Variants in FN1 observed in about 807,000 individuals in gnomAD.
FN1 encodes fibronectin.
FN1 carries 106 observed loss-of-function variants against 297.3 expected under a neutral mutation model. That is an observed-to-expected ratio of 0.36 (90% confidence interval 0.30 to 0.42). The LOEUF (loss-of-function observed/expected upper bound fraction) is 0.42. Ranked by LOEUF, FN1 falls within the 10% of genes least tolerant of loss-of-function variation. FN1 has a pLI of 1.00. For synonymous variants in FN1, 1,149 were observed against 1,152.6 expected (o/e 1.00, Z 0.06); for missense variants, 2,690 against 3,124.9 (o/e 0.86, Z 3.32).
At position 215,394,710 on chromosome 2, in the gene FN1, C is replaced by A. The variant is rs770480328; in HGVS notation, c.3614G>T (p.Gly1205Val). 2.5e-6 allele frequency: 4 copies of A among 1,613,514 alleles called. No individual in the cohort carries two copies. In the African/African-American group the frequency reaches 5.3e-5, roughly 22 times the overall value. Residue 1205 changes from glycine to valine, a missense_variant, in exon 24 of 46, where the codon GGT becomes GTT. By Grantham distance (109) the Gly-to-Val change is moderately radical (BLOSUM62 -3). This residue lies in a region of FN1 where 1,743 missense variants were observed against 1,945.2 expected (regional missense o/e 0.90). Transcript: ENST00000354785. Reference sequence around the variant, plus strand: ...TGTAGGGGTTGTGGTAATTCTATAACCAGTAATGTCTGGAGAAAAAAGAAA... The same window carrying A: ...TGTAGGGGTTGTGGTAATTCTATAAACAGTAATGTCTGGAGAAAAAAGAAA... ...WERSTTPDIT[G>V]YRITTTPTNG...
chr2:215,374,936 A>G (rs2056993830), intron 38 of FN1, among the ~76,000 whole-genome samples: 1 of 152,218 alleles, frequency 6.6e-6, no homozygotes, highest in Non-Finnish European at 1.5e-5. Context: ...ATCTTTCTCC[A>G]GGACTGAATT....
Position 215,361,639 on chromosome 2 carries a change from A to T in FN1, c.7363-13T>A. The T allele has an allele frequency of 6.2e-7, 1 of 1,600,412 alleles. No individual in the cohort carries two copies. Among genetic ancestry groups the T allele is most frequent in the Non-Finnish European group, 8.6e-7 (1 of 1,167,464 alleles). ...GGCAATTAACATTCTGTTAAAAAGG[A>T]AGAAGGAAAAAAAAATTAGTGGCAA... On this transcript the variant is annotated splice_polypyrimidine_tract_variant and intron_variant, in intron 45 of 45. Transcript: ENST00000354785.
chr2:215,423,170 T>A (rs1368717148), intron 9 of FN1, among the ~76,000 whole-genome samples, 180 bp downstream of exon 9: 1 of 139,024 alleles, frequency 7.2e-6, no homozygotes, highest in Non-Finnish European at 1.5e-5. Flanking sequence ...CTTATGTATA[T>A]GATGTAACAT....
chr2:215,435,994 T>G lies in FN1; in HGVS notation c.-192A>C. ...GGGATGCAGAGGACCAGAGAAGTTG[T>G]GGCTGCAGGTCCCCTCTTCCCGCTC... is the stretch of plus-strand genomic sequence containing the variant. On this transcript the variant is annotated 5_prime_UTR_variant, in exon 1 of 46. Transcript: ENST00000354785. 1 of 1,259,210 alleles carries G rather than the reference T, an allele frequency of 7.9e-7. No homozygotes were observed. Among genetic ancestry groups the G allele is most frequent in the Non-Finnish European group, 1.1e-6 (1 of 942,704 alleles). The allele number at this position is 1,259,210 out of a possible 1,614,324, so 78.0% of individuals were successfully genotyped here.
At chr2:215,368,665 T>C (rs2055182457) in intron 41 of FN1, among the ~76,000 whole-genome samples, 2 of 152,256 alleles carry the variant, frequency 1.3e-5, no homozygotes, top group South Asian at 2.1e-4. Flanking sequence ...TTTTGCATAA[T>C]AGTGCAGAAA....
Position 215,388,238 on chromosome 2 carries a change from G to A in FN1, c.4316C>T (p.Thr1439Ile). Residue 1439 changes from threonine to isoleucine, a missense_variant, in exon 27 of 46, where the codon ACA becomes ATA. Physicochemically the swap from Thr to Ile is moderately conservative, Grantham distance 89 (BLOSUM62 -1). Around this residue, in one of 3 missense-constraint regions of FN1, gnomAD observed 1,743 missense variants for 1,945.2 expected, o/e 0.90. Coordinates refer to ENST00000354785, the MANE Select transcript of FN1 (RefSeq NM_212482.4). ...TGTTTTCTGTCTTCCTCTAAGAGGT[G>A]TGCTCTCATGTTGTTCGTAGACACT... ...VSSVYEQHES[T>I]PLRGRQKTGL... is the part of the protein sequence containing the mutation. The A allele has an allele frequency of 1.2e-6, 2 of 1,613,876 alleles. No individual in the cohort carries two copies. The highest frequency in any genetic ancestry group is 8.5e-7 in the Non-Finnish European group (1 of 1,179,778).
Position 215,419,152 on chromosome 2 carries a change from C to T in FN1, c.1819+90G>A, listed in dbSNP as rs914027762. The T allele has an allele frequency of 3.5e-5, 40 of 1,142,098 alleles. No homozygotes were observed. The Admixed American group carries it at 6.7e-4, about 19-fold the overall frequency. 70.7% of individuals were successfully genotyped at this position (1,142,098 alleles called of 1,614,324 possible). ...AAAAGGGTGGGAAAGAGGGGAGACC[C>T]CCAACTTAGGCATGAGAGCATTAAT... On this transcript the variant is annotated intron_variant, in intron 12 of 45. Transcript: ENST00000354785.
intron 13 of FN1, among the ~76,000 whole-genome samples, chr2:215,414,316 T>G (rs1439485132): frequency 1.3e-5 from 2 of 152,202 alleles, no homozygotes; most frequent in Non-Finnish European, 2.9e-5. Flanking sequence ...ATCCTTTATC[T>G]AAACTTCCCT....
At chr2:215,389,466 T>G (rs2059443023) in intron 26 of FN1, among the ~76,000 whole-genome samples, 1 of 152,080 alleles carries the variant, frequency 6.6e-6, no homozygotes, top group African/African-American at 2.4e-5. Context: ...TTGATAAGTG[T>G]GTGATTTGGT....
At chr2:215,422,293 A>G (rs773462994) in intron 9 of FN1, 50 bp from the exon 10 acceptor site, 2 of 1,553,902 alleles carry the variant, frequency 1.3e-6, no homozygotes, top group African/African-American at 1.4e-5. Flanking sequence ...CACCAGGTCT[A>G]AACATGTATG....
intron 10 of FN1, chr2:215,421,038 T>C (rs993120002): frequency 1.2e-5 from 6 of 487,926 alleles, no homozygotes; most frequent in Admixed American, 9.7e-5. Context: ...GGTTACAGTA[T>C]GCTCAAGTAA....
intron 32 of FN1, chr2:215,381,621 G>A (rs1017991282): frequency 2.0e-5 from 4 of 200,498 alleles, no homozygotes; most frequent in African/African-American, 4.8e-5. Flanking sequence ...TTACAGGCAC[G>A]TGCCACCGCG....
At chr2:215,365,290 G>C (rs1412930082) in intron 43 of FN1, among the ~76,000 whole-genome samples, 1 of 152,116 alleles carries the variant, frequency 6.6e-6, no homozygotes, top group Admixed American at 6.6e-5. Context: ...AAATACTCAG[G>C]TTGGACAAGT....
At chr2:215,369,708 CTA>C (rs1266998115) in intron 41 of FN1, among the ~76,000 whole-genome samples, 1 of 151,796 alleles carries the variant, frequency 6.6e-6, no homozygotes, top group Non-Finnish European at 1.5e-5. Flanking sequence ...CTTTTAACCT[CTA>C]TAGAAGCTTT....
At chr2:215,433,581 G>A in intron 2 of FN1, 120 bp from the exon 3 acceptor site, 1 of 983,704 alleles carries the variant, frequency 1.0e-6, no homozygotes, top group Non-Finnish European at 1.6e-6. Flanking sequence ...ACACCTCAAA[G>A]AATAAAATGA....
chr2:215,431,211 T>A (rs2066453502), intron 4 of FN1, among the ~76,000 whole-genome samples: 1 of 152,218 alleles, frequency 6.6e-6, no homozygotes, highest in Non-Finnish European at 1.5e-5. Flanking sequence ...AATGACCAAT[T>A]ATGAATTTTG....
Position 215,361,058 on chromosome 2 carries a change from T to G in FN1, c.*497A>C, listed in dbSNP as rs1294264518. 1 of 156,916 alleles carries G rather than the reference T, an allele frequency of 6.4e-6. No homozygotes were observed. The allele number at this position is 156,916 out of a possible 1,614,324, so 9.7% of individuals were successfully genotyped here. A position where few individuals can be genotyped will look rare whatever the true frequency, so the allele number is the denominator to read the frequency against. On this transcript the variant is annotated 3_prime_UTR_variant, in exon 46 of 46. Transcript: ENST00000354785. ...TGATAAATAACAGGTAAGAGAAAGATATTTCTAGGCAATTACTAGGATCAT... is the reference window on the plus strand; with the variant it reads ...TGATAAATAACAGGTAAGAGAAAGAGATTTCTAGGCAATTACTAGGATCAT...
At chr2:215,388,029 G>A (rs1276311322) in intron 27 of FN1, among the ~76,000 whole-genome samples, 183 bp downstream of exon 27, 5 of 152,170 alleles carry the variant, frequency 3.3e-5, no homozygotes, top group Non-Finnish European at 5.9e-5. Context: ...GAAAGTCTAG[G>A]TGATTGTTGA....
At chr2:215,383,899 A>G in intron 30 of FN1, 121 bp downstream of exon 30, 1 of 1,064,896 alleles carries the variant, frequency 9.4e-7, no homozygotes. Context: ...TGCTAGCTGC[A>G]GGTTGTTGCT....
Sources: gnomAD v4.1 joint callset for allele counts (sites outside exome capture counted in the v4.1 genomes callset) on GRCh38, gnomAD v4.1.1 for gene constraint, gnomAD v4.1.1 regional missense constraint, MANE v1.5 for transcripts, NCBI Gene and HGNC (gene_info 2026-07-23, HGNC 2026-07-21) for gene names.